Variants in PEAK1 observed in about 807,000 individuals in gnomAD.
The protein encoded by PEAK1 is pseudopodium enriched atypical kinase 1.
In PEAK1, 54 loss-of-function variants were observed where a neutral mutation model predicts 124.7. The ratio of observed to expected loss-of-function variants is 0.43; its 90% CI spans 0.35 to 0.54. PEAK1 has a LOEUF of 0.54. Ranked by LOEUF, PEAK1 falls within the 20% of genes least tolerant of loss-of-function variation. The pLI, the probability that PEAK1 is intolerant of heterozygous loss-of-function variation, is 0.01. For missense variants in PEAK1, 2,046 were observed against 2,134.5 expected (o/e 0.96, Z 0.82); for synonymous variants, 719 against 760.0 (o/e 0.95, Z 0.89).
chr15:77,309,433 GA>G (rs541033620), intron 2 of PEAK1, among the ~76,000 whole-genome samples: 13 of 145,130 alleles, frequency 9.0e-5, no homozygotes, highest in East Asian at 4.0e-4. Context: ...TCCAGCAAGG[GA>G]AAAAAAAAAC....
intron 6 of PEAK1, among the ~76,000 whole-genome samples, chr15:77,223,726 C>T (rs920563300): frequency 1.3e-5 from 2 of 151,960 alleles, no homozygotes; most frequent in African/African-American, 4.8e-5. Flanking sequence ...ATTGATGATA[C>T]TACCACTGTC....
At chr15:77,245,953 AC>A (rs1467817859) in intron 6 of PEAK1, among the ~76,000 whole-genome samples, 1 of 151,208 alleles carries the variant, frequency 6.6e-6, no homozygotes, top group African/African-American at 2.4e-5. Flanking sequence ...TAGTTCCTTT[AC>A]CTTTCCAAAA....
In PEAK1 at chr15:77,181,022, T is replaced by C. The variant is rs746996583; in HGVS notation, c.905A>G (p.Gln302Arg). ...NTIPLRNKSLQRICAVDYDDS... is the reference protein window; with the variant it reads ...NTIPLRNKSLRRICAVDYDDS... ...ATCATAGTCCACAGCACAGATTCTCTGCAGAGACTTGTTTCGCAGGGGGAT... is the reference window on the plus strand; with the variant it reads ...ATCATAGTCCACAGCACAGATTCTCCGCAGAGACTTGTTTCGCAGGGGGAT... The change falls in exon 7 of 10, where the codon CAG becomes CGG. Residue 302 changes from glutamine (Q) to arginine (R), a missense_variant. Gln to Arg is a conservative substitution (Grantham distance 43). Transcript: ENST00000682557. The C allele has an allele frequency of 6.2e-7, 1 of 1,614,210 alleles. No homozygotes were observed. The highest frequency in any genetic ancestry group is 8.5e-7 in the Non-Finnish European group (1 of 1,180,018).
intron 7 of PEAK1, among the ~76,000 whole-genome samples, chr15:77,163,900 G>T (rs2055878120): frequency 6.6e-6 from 1 of 152,154 alleles, no homozygotes; most frequent in Non-Finnish European, 1.5e-5. Flanking sequence ...AAGCACATTA[G>T]AAACAAAACG....
At chr15:77,362,577 CG>C (rs1394119944) in intron 2 of PEAK1, among the ~76,000 whole-genome samples, 2 of 151,934 alleles carry the variant, frequency 1.3e-5, no homozygotes, top group East Asian at 3.8e-4. Flanking sequence ...AAAAAGGTAC[CG>C]TCTTTTTAGA....
chr15:77,256,616 T>A (rs903288936), intron 5 of PEAK1, among the ~76,000 whole-genome samples: 2 of 152,098 alleles, frequency 1.3e-5, no homozygotes, highest in African/African-American at 4.8e-5. Context: ...AGGAGAATAT[T>A]TTGAGACATA....
At chr15:77,289,884 G>A (rs2063125514) in intron 2 of PEAK1, among the ~76,000 whole-genome samples, 1 of 152,140 alleles carries the variant, frequency 6.6e-6, no homozygotes, top group Non-Finnish European at 1.5e-5. Context: ...TCATAGTGCA[G>A]AAGAATAAAT....
chr15:77,376,658 C>G (rs2069054190), intron 1 of PEAK1, among the ~76,000 whole-genome samples: 1 of 152,082 alleles, frequency 6.6e-6, no homozygotes, highest in South Asian at 2.1e-4. Flanking sequence ...ATTTAATCAT[C>G]ATAATGAAAA....
intron 1 of PEAK1, among the ~76,000 whole-genome samples, chr15:77,377,915 T>C (rs1190433530): frequency 6.6e-6 from 1 of 152,106 alleles, no homozygotes; most frequent in Non-Finnish European, 1.5e-5. Context: ...AAAAATCACC[T>C]TAGAGCCCAA....
At chr15:77,322,673 G>C (rs1282358097) in intron 2 of PEAK1, among the ~76,000 whole-genome samples, 6 of 152,156 alleles carry the variant, frequency 3.9e-5, no homozygotes, top group Admixed American at 1.3e-4. Flanking sequence ...GGACCAGATG[G>C]ATTCACAGCC....
intron 2 of PEAK1, among the ~76,000 whole-genome samples, chr15:77,313,376 C>T (rs2064599364): frequency 6.6e-6 from 1 of 152,046 alleles, no homozygotes; most frequent in African/African-American, 2.4e-5. Flanking sequence ...AAACAAATTT[C>T]CTAGGCAGAA....
intron 7 of PEAK1, among the ~76,000 whole-genome samples, chr15:77,174,413 C>T (rs530970205): frequency 2.5e-4 from 38 of 152,276 alleles, no homozygotes; most frequent in African/African-American, 8.7e-4. Context: ...ATCACACTGC[C>T]ATCAAGCCTG....
chr15:77,378,500 TTTG>T (rs1253614732), intron 1 of PEAK1, among the ~76,000 whole-genome samples: 4 of 152,124 alleles, frequency 2.6e-5, no homozygotes, highest in East Asian at 3.8e-4. Flanking sequence ...TTAATTAGAG[TTTG>T]TTATTTGTTC....
intron 6 of PEAK1, among the ~76,000 whole-genome samples, chr15:77,188,909 A>T (rs1046415229): frequency 6.6e-6 from 1 of 152,102 alleles, no homozygotes; most frequent in African/African-American, 2.4e-5. Flanking sequence ...AAAAACTCAT[A>T]ATTCGGCCAG....
chr15:77,197,306 C>T (rs1048193412), intron 6 of PEAK1, among the ~76,000 whole-genome samples: 3 of 152,142 alleles, frequency 2.0e-5, no homozygotes, highest in Non-Finnish European at 2.9e-5. Context: ...ACCAGAAAAG[C>T]CTCCTTCATG....
intron 1 of PEAK1, among the ~76,000 whole-genome samples, chr15:77,415,778 T>C (rs959874935): frequency 5.9e-5 from 9 of 152,134 alleles, no homozygotes; most frequent in Non-Finnish European, 2.9e-5. Flanking sequence ...TGGATCCCAT[T>C]CCTTATTACC....
chr15:77,256,877 TC>T lies in PEAK1; in HGVS notation c.-274-4352del, dbSNP rs1223127172. Among the ~76,000 whole-genome samples, 4 of 60,198 alleles carry T rather than the reference TC, an allele frequency of 6.6e-5. No individual in the cohort carries two copies. In the East Asian group the frequency reaches 2.1e-3, roughly 31 times the overall value. 39.5% of individuals were successfully genotyped at this position (60,198 alleles called of 152,430 possible). On this transcript the variant is annotated intron_variant, in intron 5 of 9. Coordinates refer to ENST00000682557, the MANE Select transcript of PEAK1 (RefSeq NM_001385026.1). ...ATCTCCTAATGCTATCCCTCCCACC[TC>T]CCCCCACCCCACAACAGTCCCCAGA...
At position 77,271,573 on chromosome 15, in the gene PEAK1, A is replaced by G. The variant is rs564637102; in HGVS notation, c.-275+12310T>C. ...AGACTGGATTAAGAAAATGTGGCACATATACACCATGGAATACTATGCAGC... is the reference window on the plus strand; with the variant it reads ...AGACTGGATTAAGAAAATGTGGCACGTATACACCATGGAATACTATGCAGC... On this transcript the variant is annotated intron_variant, in intron 5 of 9. Coordinates refer to ENST00000682557, the MANE Select transcript of PEAK1 (RefSeq NM_001385026.1). 1.3e-4 allele frequency among the ~76,000 whole-genome samples: 20 copies of G among 152,316 alleles called. 1 individual carries two copies. In the South Asian group the frequency reaches 3.7e-3, roughly 28 times the overall value.
chr15:77,217,690 G>A (rs1033537711), intron 6 of PEAK1, among the ~76,000 whole-genome samples: 3 of 152,136 alleles, frequency 2.0e-5, no homozygotes, highest in African/African-American at 4.8e-5. Flanking sequence ...CATTGATGTG[G>A]TTAAATCCCC....
Sources: gnomAD v4.1 joint callset for allele counts (sites outside exome capture counted in the v4.1 genomes callset) on GRCh38, gnomAD v4.1.1 for gene constraint, MANE v1.5 for transcripts, NCBI Gene and HGNC (gene_info 2026-07-23, HGNC 2026-07-21) for gene names.